The following PHGDH variants were observed in gnomAD, a reference collection of about 807,000 sequenced individuals.
The protein encoded by PHGDH is D-3-phosphoglycerate dehydrogenase.
In PHGDH, 50 loss-of-function variants were observed where a neutral mutation model predicts 52.6. The ratio of observed to expected loss-of-function variants is 0.95; its 90% CI spans 0.76 to 1.20. The LOEUF (loss-of-function observed/expected upper bound fraction) is 1.20. Among genes scored for constraint, PHGDH ranks in the 50% most tolerant of loss-of-function variants. The probability of loss-of-function intolerance (pLI) is 0.00; values close to 1 mark genes in which losing one functional copy is unlikely to be tolerated. For missense variants in PHGDH, 630 were observed against 684.6 expected, an observed-to-expected ratio of 0.92 and a Z score of 0.89; for synonymous variants, 271 against 280.5, an observed-to-expected ratio of 0.97 and a Z score of 0.34.
intron 5 of PHGDH, among the ~76,000 whole-genome samples, chr1:119,733,178 T>C (rs1651776897): frequency 6.6e-6 from 1 of 152,108 alleles, no homozygotes; most frequent in Admixed American, 6.5e-5. Context: ...CCCCAAAACC[T>C]GCCTGATGGT....
In PHGDH at chr1:119,725,263, C is replaced by T. The variant is rs587715453; in HGVS notation, c.357-1588C>T. Among the ~76,000 whole-genome samples the T allele has an allele frequency of 1.1e-4, 16 of 152,276 alleles. No individual in the cohort carries two copies. In the South Asian group the frequency reaches 2.9e-3, roughly 28 times the overall value. ...TGATGAGGATTCCAAAGCATTGAAA[C>T]CTGGAGAGGCTCCATGATCAGCTGG... On this transcript the variant is annotated intron_variant, in intron 3 of 11. Transcript: ENST00000641023.
chr1:119,724,806 T>A (rs1651331114), intron 3 of PHGDH: 1 of 456,518 alleles, frequency 2.2e-6, no homozygotes, highest in African/African-American at 2.0e-5. Flanking sequence ...TTTAAAGGAA[T>A]CGGTGAAATG....
rs41276630 is a variant in PHGDH, at chr1:119,721,477, C to G, written c.290+156C>G. 21,009 of 683,850 alleles carry G rather than the reference C, an allele frequency of 0.031. 521 individuals are homozygous for G. Among genetic ancestry groups the G allele is most frequent in the African/African-American group, 0.084 (4,689 of 55,710 alleles). 42.4% of individuals were successfully genotyped at this position (683,850 alleles called of 1,614,324 possible). On this transcript the variant is annotated intron_variant, in intron 2 of 11. Transcript: ENST00000641023. The stretch of plus-strand genomic sequence containing the variant: ...CTAGGGCCTGCATGGTCAACACACA[C>G]AGCATAGTGGTTTCAAGGTTTTTGG...
intron 1 of PHGDH, 126 bp downstream of exon 1, chr1:119,712,286 T>G: frequency 1.7e-5 from 12 of 716,064 alleles, no homozygotes; most frequent in Admixed American, 2.2e-5. Flanking sequence ...CCTCCTGAGA[T>G]TGGGGGGTAG....
At chr1:119,734,086 G>A (rs934014036) in intron 5 of PHGDH, among the ~76,000 whole-genome samples, 3 of 152,056 alleles carry the variant, frequency 2.0e-5, no homozygotes, top group African/African-American at 4.8e-5. Context: ...CTCCTCCTTC[G>A]CTTCTGCTCA....
intron 8 of PHGDH, chr1:119,740,045 TGTGTC>T: frequency 3.6e-6 from 1 of 276,152 alleles, no homozygotes; most frequent in Non-Finnish European, 7.1e-6. Context: ...CCATATGTTT[TGTGTC>T]AAAGACTCAC....
At chr1:119,740,054 G>C in intron 8 of PHGDH, 1 of 307,452 alleles carries the variant, frequency 3.3e-6, no homozygotes, top group South Asian at 4.4e-5. Flanking sequence ...TTGTGTCAAA[G>C]ACTCACCTTT....
chr1:119,738,986 A>T (rs1231305659), intron 8 of PHGDH, among the ~76,000 whole-genome samples: 1 of 152,266 alleles, frequency 6.6e-6, no homozygotes, highest in African/African-American at 2.4e-5. Context: ...AAATAGTCTT[A>T]GAGTAGCCAT....
At chr1:119,720,899 TG>T (rs1413096121) in intron 1 of PHGDH, 1 of 453,496 alleles carries the variant, frequency 2.2e-6, no homozygotes, top group Non-Finnish European at 4.1e-6. Flanking sequence ...CCAGAGCCCA[TG>T]GGCCAATGCT....
chr1:119,712,328 G>C (rs1373900464), intron 1 of PHGDH, among the ~76,000 whole-genome samples, 168 bp downstream of exon 1: 1 of 152,202 alleles, frequency 6.6e-6, no homozygotes, highest in South Asian at 2.1e-4. Context: ...GGCAGAAAGA[G>C]GGAAGAACAA....
rs773408065 is a variant in PHGDH at position 119,721,151 on chromosome 1, A to C, written c.139-19A>C. The C allele has an allele frequency of 6.2e-7, 1 of 1,613,812 alleles. No individual in the cohort carries two copies. Among genetic ancestry groups the C allele is most frequent in the Admixed American group, 1.7e-5 (1 of 60,028 alleles). The stretch of plus-strand genomic sequence containing the variant: ...CTCACAGAATGACTTTCTGGACCCA[A>C]ATGTTTTTTCTGCTTCAGGACTGTG... On this transcript the variant is annotated intron_variant, in intron 1 of 11. Coordinates refer to ENST00000641023, the MANE Select transcript of PHGDH (RefSeq NM_006623.4).
intron 1 of PHGDH, among the ~76,000 whole-genome samples, chr1:119,716,624 C>G (rs1650949099): frequency 6.6e-6 from 1 of 152,040 alleles, no homozygotes. Context: ...GAACTTGATG[C>G]TAGAGAGACA....
In PHGDH at chr1:119,727,235, G is replaced by C. The variant is rs1651471921; in HGVS notation, c.510+133G>C. ...TCTCTTGGAGCCCCCATCTAAATAA[G>C]TGTTAAAGTCAAGGAGGGAGAGAAC... On this transcript the variant is annotated intron_variant, in intron 5 of 11. Transcript: ENST00000641023. The C allele has an allele frequency of 5.7e-6, 4 of 707,100 alleles. No individual in the cohort carries two copies. The South Asian group carries it at 6.0e-5, about 11-fold the overall frequency. 43.8% of individuals were successfully genotyped at this position (707,100 alleles called of 1,614,324 possible). A position where few individuals can be genotyped will look rare whatever the true frequency, so the allele number is the denominator to read the frequency against.
chr1:119,730,964 T>C (rs921940269), intron 5 of PHGDH, among the ~76,000 whole-genome samples: 3 of 152,144 alleles, frequency 2.0e-5, no homozygotes, highest in African/African-American at 4.8e-5. Context: ...AAAAGACATA[T>C]GAAGGCTAGA....
chr1:119,721,253 C>A lies in PHGDH; in HGVS notation c.222C>A (p.Gly74=), dbSNP rs746248451. The A allele has an allele frequency of 4.3e-6, 7 of 1,614,010 alleles. No homozygotes were observed. In the African/African-American group the frequency reaches 8.0e-5, roughly 18 times the overall value. The change falls in exon 2 of 12, where the codon GGC becomes GGA. Residue 74 remains glycine (G), a synonymous_variant. Transcript: ENST00000641023. ...INAAEKLQVV[G]RAGTGVDNVD... is the part of the protein sequence containing the mutation. ...CAGCTGAGAAACTCCAGGTGGTGGG[C>A]AGGGCTGGCACAGGTGTGGACAATG...
At chr1:119,722,308 C>T (rs1172620418) in intron 2 of PHGDH, among the ~76,000 whole-genome samples, 3 of 152,140 alleles carry the variant, frequency 2.0e-5, no homozygotes, top group Non-Finnish European at 4.4e-5. Context: ...GATCTCTTGA[C>T]TTTTTCTTCT....
At chr1:119,719,203 T>C (rs751037757) in intron 1 of PHGDH, among the ~76,000 whole-genome samples, 2 of 152,168 alleles carry the variant, frequency 1.3e-5, no homozygotes, top group Admixed American at 6.5e-5. Context: ...GTGGCTTCTG[T>C]TTGATTCCTC....
intron 2 of PHGDH, chr1:119,721,605 C>T: frequency 2.7e-6 from 1 of 374,532 alleles, no homozygotes; most frequent in Non-Finnish European, 4.9e-6. Context: ...CACGAGCCCA[C>T]CCCATGCGCA....
intron 3 of PHGDH, among the ~76,000 whole-genome samples, chr1:119,726,460 A>G (rs1309781243): frequency 6.6e-6 from 1 of 152,054 alleles, no homozygotes; most frequent in East Asian, 1.9e-4. Context: ...GTAGATCAAA[A>G]TAATTCCTTG....
Sources: allele counts gnomAD v4.1 joint callset (sites outside exome capture counted in the v4.1 genomes callset), GRCh38; gene constraint gnomAD v4.1.1; transcripts MANE v1.5; gene names NCBI Gene and HGNC (gene_info 2026-07-23, HGNC 2026-07-21).